PLPPR4: variants seen among roughly 807,000 people sequenced by gnomAD.
PLPPR4 encodes phospholipid phosphatase-related protein type 4.
PLPPR4 carries 24 observed loss-of-function variants against 56.6 expected under a neutral mutation model. That is an observed-to-expected ratio of 0.42 (90% confidence interval 0.31 to 0.60). The LOEUF (loss-of-function observed/expected upper bound fraction) is 0.60, where lower values mean the gene tolerates loss of function less well. Ranked by LOEUF, PLPPR4 falls within the 20% of genes least tolerant of loss-of-function variation. The probability of loss-of-function intolerance (pLI) is 0.13; values close to 1 mark genes in which losing one functional copy is unlikely to be tolerated. For missense variants in PLPPR4, 654 were observed against 885.8 expected (o/e 0.74, Z 3.32); for synonymous variants, 326 against 328.1 (o/e 0.99, Z 0.07).
At chr1:99,282,418 T>C (rs931275395) in intron 1 of PLPPR4, among the ~76,000 whole-genome samples, 3 of 152,330 alleles carry the variant, frequency 2.0e-5, no homozygotes, top group East Asian at 3.9e-4. Context: ...ACTCTGTGAA[T>C]GCATGGAGTT....
At chr1:99,299,528 GT>G (rs1180434118) in intron 4 of PLPPR4, among the ~76,000 whole-genome samples, 1 of 151,816 alleles carries the variant, frequency 6.6e-6, no homozygotes, top group Non-Finnish European at 1.5e-5. Context: ...ACTATAAATG[GT>G]TTATTTCAGA....
At chr1:99,277,499 A>T (rs1233062684) in intron 1 of PLPPR4, among the ~76,000 whole-genome samples, 17 of 152,168 alleles carry the variant, frequency 1.1e-4, no homozygotes, top group Admixed American at 1.1e-3. Context: ...TTCCTTGCAA[A>T]TTGATGTGGA....
chr1:99,287,734 G>A (rs1032653743), intron 1 of PLPPR4, among the ~76,000 whole-genome samples: 8 of 152,140 alleles, frequency 5.3e-5, no homozygotes, highest in Non-Finnish European at 7.4e-5. Flanking sequence ...GGTAGGAGTG[G>A]AGGTGTAGCA....
chr1:99,299,636 T>TA (rs5776466), intron 4 of PLPPR4, among the ~76,000 whole-genome samples: 4 of 151,754 alleles, frequency 2.6e-5, no homozygotes, highest in Non-Finnish European at 5.9e-5. Context: ...ATATGTTCCA[T>TA]AAAAAAAATG....
chr1:99,273,699 T>C (rs138573757), intron 1 of PLPPR4, among the ~76,000 whole-genome samples: 40 of 152,216 alleles, frequency 2.6e-4, no homozygotes, highest in Admixed American at 3.9e-4. Context: ...TGACTTTTGG[T>C]AAAAGTAATA....
rs188310423 is a variant in PLPPR4, at chr1:99,274,927, T to G, written c.78+10256T>G. ...TGAGCCATCTGTGAAATAAAGAATA[T>G]TATGCTTTCTAAAAATGATGAATAA... On this transcript the variant is annotated intron_variant, in intron 1 of 6. Coordinates refer to ENST00000370185, the MANE Select transcript of PLPPR4 (RefSeq NM_014839.5). Among the ~76,000 whole-genome samples, 491 of 152,290 alleles carry G rather than the reference T, an allele frequency of 3.2e-3. 4 individuals carry two copies. Among genetic ancestry groups the G allele is most frequent in the Non-Finnish European group, 5.3e-3 (359 of 68,002 alleles).
At chr1:99,288,535 T>G (rs575662368) in intron 2 of PLPPR4, among the ~76,000 whole-genome samples, 6 of 152,244 alleles carry the variant, frequency 3.9e-5, no homozygotes, top group African/African-American at 1.4e-4. Flanking sequence ...TAGCCAAAAG[T>G]GCATTTGCTA....
Position 99,309,017 on chromosome 1 carries a change from A to ACTT in PLPPR4, c.*2010_*2012dup, listed in dbSNP as rs1250697534. 2.0e-5 allele frequency: 3 copies of ACTT among 152,370 alleles called. No homozygotes were observed. Among genetic ancestry groups the ACTT allele is most frequent in the African/African-American group, 7.3e-5 (3 of 41,218 alleles). 9.4% of individuals were successfully genotyped at this position (152,370 alleles called of 1,614,324 possible). On this transcript the variant is annotated 3_prime_UTR_variant, in exon 7 of 7. Transcript: ENST00000370185. ...ATTTCTTAACAAAAGATTTTAAAGT[A>ACTT]CTTCTCTAGTCATTGAAGTTTTTTT...
intron 4 of PLPPR4, 95 bp from the exon 5 acceptor site, chr1:99,300,814 T>C: frequency 1.1e-6 from 1 of 933,298 alleles, no homozygotes; most frequent in East Asian, 2.4e-5. Flanking sequence ...CTTGTGACTT[T>C]TAAGTTGAAC....
chr1:99,294,105 A>AC (rs1218805263), intron 2 of PLPPR4, among the ~76,000 whole-genome samples: 1 of 151,952 alleles, frequency 6.6e-6, no homozygotes, highest in Non-Finnish European at 1.5e-5. Context: ...ATTCAAAAAA[A>AC]AAAAAGGAGA....
At chr1:99,266,194 G>T (rs1200953741) in intron 1 of PLPPR4, among the ~76,000 whole-genome samples, 1 of 152,188 alleles carries the variant, frequency 6.6e-6, no homozygotes, top group African/African-American at 2.4e-5. Context: ...ACCACTTGTC[G>T]CATGGCTAAT....
At chr1:99,304,886 C>T (rs1659979058) in intron 6 of PLPPR4, among the ~76,000 whole-genome samples, 1 of 152,012 alleles carries the variant, frequency 6.6e-6, no homozygotes, top group African/African-American at 2.4e-5. Context: ...TTCTATGTGC[C>T]AAAAGGGTAA....
intron 1 of PLPPR4, among the ~76,000 whole-genome samples, chr1:99,280,213 T>G (rs562485500): frequency 2.6e-5 from 4 of 152,286 alleles, no homozygotes; most frequent in Non-Finnish European, 5.9e-5. Context: ...CTTAGACACC[T>G]GGGTAGGAGT....
At position 99,266,377 on chromosome 1, in the gene PLPPR4, G is replaced by C. The variant is rs191437406; in HGVS notation, c.78+1706G>C. On this transcript the variant is annotated intron_variant, in intron 1 of 6. Coordinates refer to ENST00000370185, the MANE Select transcript of PLPPR4 (RefSeq NM_014839.5). ...ATGGCTTCAAGGAAAATGCCCTCAT[G>C]AAAGAGGAGGCAAACCAGAGAATTA... is the stretch of plus-strand genomic sequence containing the variant. 1.7e-3 allele frequency among the ~76,000 whole-genome samples: 256 copies of C among 152,366 alleles called. 2 individuals carry two copies. The highest frequency in any genetic ancestry group is 2.9e-3 in the Non-Finnish European group (199 of 68,036).
intron 1 of PLPPR4, among the ~76,000 whole-genome samples, chr1:99,268,553 T>C (rs945915383): frequency 1.3e-5 from 2 of 149,340 alleles, no homozygotes; most frequent in Non-Finnish European, 2.9e-5. Context: ...GATAGAATTA[T>C]TTTTTTCTTA....
chr1:99,280,641 C>T (rs140266982), intron 1 of PLPPR4, among the ~76,000 whole-genome samples: 2 of 152,154 alleles, frequency 1.3e-5, no homozygotes, highest in East Asian at 1.9e-4. Context: ...GTATGTGAGA[C>T]GGAGTCTTCA....
chr1:99,272,894 G>A (rs143605686), intron 1 of PLPPR4, among the ~76,000 whole-genome samples: 26 of 151,934 alleles, frequency 1.7e-4, no homozygotes, highest in Middle Eastern at 3.4e-3. Context: ...CTTAAGTAAC[G>A]AAGACTCAGG....
At chr1:99,276,387 G>GA (rs1366080882) in intron 1 of PLPPR4, among the ~76,000 whole-genome samples, 2 of 152,074 alleles carry the variant, frequency 1.3e-5, no homozygotes, top group African/African-American at 2.4e-5. Flanking sequence ...GAATGTAATA[G>GA]AAAATATGAA....
chr1:99,267,784 G>C (rs17395395), intron 1 of PLPPR4, among the ~76,000 whole-genome samples: 2 of 152,160 alleles, frequency 1.3e-5, no homozygotes, highest in African/African-American at 4.8e-5. Context: ...GGCTCCACAG[G>C]CTTCTTGAAA....
Sources: allele counts gnomAD v4.1 joint callset (sites outside exome capture counted in the v4.1 genomes callset), GRCh38; gene constraint gnomAD v4.1.1; transcripts MANE v1.5; gene names NCBI Gene and HGNC (gene_info 2026-07-23, HGNC 2026-07-21).